Variants in TBC1D19 observed in about 807,000 individuals in gnomAD.
TBC1D19 encodes the protein TBC1 domain family, member 19.
A neutral mutation model predicts 89.0 loss-of-function variants in TBC1D19; 60 were observed. That is an observed-to-expected ratio of 0.67 (90% CI 0.55 to 0.84). The LOEUF (loss-of-function observed/expected upper bound fraction) is 0.84. Ranked by LOEUF, TBC1D19 falls within the 40% of genes least tolerant of loss-of-function variation. The pLI, the probability that TBC1D19 is intolerant of heterozygous loss-of-function variation, is 0.00. For missense variants in TBC1D19, 500 were observed against 610.8 expected (o/e 0.82, Z 1.91); for synonymous variants, 189 against 199.7 (o/e 0.95, Z 0.45).
intron 8 of TBC1D19, among the ~76,000 whole-genome samples, chr4:26,660,476 T>G (rs1039994535): frequency 6.6e-6 from 1 of 152,210 alleles, no homozygotes; most frequent in Admixed American, 6.5e-5. Flanking sequence ...GTTTATTATC[T>G]TTCAGCTCCA....
intron 18 of TBC1D19, among the ~76,000 whole-genome samples, chr4:26,747,633 A>C (rs1415835161): frequency 6.6e-6 from 1 of 152,220 alleles, no homozygotes; most frequent in Non-Finnish European, 1.5e-5. Context: ...GGGACAGTCA[A>C]GTGATATTAG....
At chr4:26,742,709 C>A in intron 18 of TBC1D19, 110 bp downstream of exon 18, 1 of 678,276 alleles carries the variant, frequency 1.5e-6, no homozygotes, top group Non-Finnish European at 2.3e-6. Flanking sequence ...ATTAAGCTAA[C>A]AGTTTTCCTA....
intron 7 of TBC1D19, among the ~76,000 whole-genome samples, chr4:26,656,667 T>C (rs996482192): frequency 1.3e-5 from 2 of 151,898 alleles, no homozygotes; most frequent in African/African-American, 4.8e-5. Flanking sequence ...AAAGCAATTC[T>C]CCTGCCTCAG....
intron 16 of TBC1D19, among the ~76,000 whole-genome samples, chr4:26,739,122 T>A (rs1274264099): frequency 6.6e-6 from 1 of 152,220 alleles, no homozygotes; most frequent in Non-Finnish European, 1.5e-5. Flanking sequence ...ACCACCTTTG[T>A]CAGTGTAGAA....
the TBC1D19 span, among the ~76,000 whole-genome samples, chr4:26,850,834 T>A: frequency 6.6e-6 from 1 of 152,158 alleles, no homozygotes; most frequent in Non-Finnish European, 1.5e-5. Context: ...TTGATTGAAC[T>A]AAGGGACACC....
the TBC1D19 span, among the ~76,000 whole-genome samples, chr4:26,794,526 CAAAA>C: frequency 4.0e-5 from 6 of 151,762 alleles, no homozygotes; most frequent in Non-Finnish European, 8.8e-5. Context: ...AAAGTGAAAA[CAAAA>C]AAGTATGATC....
chr4:26,584,004 G>T (rs1292188552), upstream of TBC1D19: 3 of 590,208 alleles, frequency 5.1e-6, no homozygotes, highest in African/African-American at 3.8e-5. Flanking sequence ...AGATGCTGTG[G>T]CCTTCAGGCG....
intron 13 of TBC1D19, among the ~76,000 whole-genome samples, chr4:26,695,736 G>A (rs938392456): frequency 2.0e-5 from 3 of 152,154 alleles, no homozygotes; most frequent in Non-Finnish European, 4.4e-5. Flanking sequence ...TTTCAACCCA[G>A]AATTTCATAT....
chr4:26,611,669 T>A (rs546400854), intron 1 of TBC1D19, among the ~76,000 whole-genome samples: 1 of 152,280 alleles, frequency 6.6e-6, no homozygotes, highest in Non-Finnish European at 1.5e-5. Context: ...TCTAATTGTA[T>A]CATATCTGTT....
intron 13 of TBC1D19, among the ~76,000 whole-genome samples, chr4:26,691,729 A>G (rs1714308675): frequency 6.6e-6 from 1 of 152,194 alleles, no homozygotes; most frequent in Non-Finnish European, 1.5e-5. Context: ...GATTTGCTTT[A>G]TTACGATATT....
At chr4:26,837,107 G>GA in the TBC1D19 span, among the ~76,000 whole-genome samples, 11 of 152,194 alleles carry the variant, frequency 7.2e-5, no homozygotes, top group South Asian at 2.1e-4. Flanking sequence ...TGTGGAGAGT[G>GA]AAAATCAACC....
intron 13 of TBC1D19, among the ~76,000 whole-genome samples, chr4:26,711,951 C>T (rs1577971785): frequency 2.0e-5 from 3 of 152,016 alleles, no homozygotes; most frequent in Admixed American, 6.6e-5. Flanking sequence ...ACCTTACAAT[C>T]GCCAATATTC....
At chr4:26,757,700 G>C (rs1277783994), downstream of TBC1D19, among the ~76,000 whole-genome samples, 3 of 152,146 alleles carry the variant, frequency 2.0e-5, no homozygotes, top group African/African-American at 7.2e-5. Flanking sequence ...AGGGAAAATA[G>C]AGACCATTAA....
chr4:26,774,387 C>G, the TBC1D19 span, among the ~76,000 whole-genome samples: 1 of 152,248 alleles, frequency 6.6e-6, no homozygotes, highest in Non-Finnish European at 1.5e-5. Context: ...ACAATAAAGT[C>G]TAATCCGTTT....
intron 13 of TBC1D19, among the ~76,000 whole-genome samples, chr4:26,693,056 G>A (rs1372380021): frequency 1.3e-5 from 2 of 151,542 alleles, no homozygotes; most frequent in Non-Finnish European, 2.9e-5. Context: ...AACCCAGGAG[G>A]TAGAGGTTGC....
the TBC1D19 span, among the ~76,000 whole-genome samples, chr4:26,836,664 T>A: frequency 2.0e-5 from 3 of 152,198 alleles, no homozygotes; most frequent in Non-Finnish European, 4.4e-5. Context: ...GAGTGAAGAC[T>A]GCTGGAAGTT....
chr4:26,714,439 G>A (rs780600567), intron 13 of TBC1D19, among the ~76,000 whole-genome samples: 5 of 151,966 alleles, frequency 3.3e-5, no homozygotes, highest in Non-Finnish European at 5.9e-5. Context: ...TAAACCCAAT[G>A]ACCAATTATC....
rs1712370512 is a variant in TBC1D19 at position 26,672,137 on chromosome 4, T to G, written c.665-12T>G. ...TCATGTCTAATAATTTTAATTTTTT[T>G]TTAATTTTTAGAACTTTTTGAAAAT... On this transcript the variant is annotated splice_polypyrimidine_tract_variant and intron_variant, in intron 9 of 20. Coordinates refer to ENST00000264866, the MANE Select transcript of TBC1D19 (RefSeq NM_018317.4). The G allele has an allele frequency of 2.7e-6, 3 of 1,103,514 alleles. No homozygotes were observed. Among genetic ancestry groups the G allele is most frequent in the Non-Finnish European group, 3.7e-6 (3 of 813,542 alleles). 68.4% of individuals were successfully genotyped at this position (1,103,514 alleles called of 1,614,324 possible). A position where few individuals can be genotyped will look rare whatever the true frequency, so the allele number is the denominator to read the frequency against.
intron 15 of TBC1D19, among the ~76,000 whole-genome samples, chr4:26,728,400 C>T (rs953628521): frequency 6.6e-6 from 1 of 152,072 alleles, no homozygotes; most frequent in African/African-American, 2.4e-5. Flanking sequence ...GTTTTTCTTT[C>T]ACATGTCAAC....
Sources: gnomAD v4.1 joint callset for allele counts (sites outside exome capture counted in the v4.1 genomes callset) on GRCh38, gnomAD v4.1.1 for gene constraint, MANE v1.5 for transcripts, NCBI Gene and HGNC (gene_info 2026-07-23, HGNC 2026-07-21) for gene names.